The following SRSF11 variants were observed in gnomAD, a reference collection of about 807,000 sequenced individuals.
SRSF11 encodes the protein serine/arginine-rich splicing factor 11.
Under a neutral mutation model 56.0 loss-of-function variants are expected in SRSF11, and 9 were observed. The ratio of observed to expected loss-of-function variants is 0.16; its 90% CI spans 0.10 to 0.28. The LOEUF (loss-of-function observed/expected upper bound fraction) is 0.28, where lower values mean the gene tolerates loss of function less well. Ranked by LOEUF, SRSF11 falls within the 10% of genes least tolerant of loss-of-function variation. The pLI, the probability that SRSF11 is intolerant of heterozygous loss-of-function variation, is 1.00. For synonymous variants in SRSF11, 222 were observed against 215.3 expected, an observed-to-expected ratio of 1.03 and a Z score of -0.27; for missense variants, 421 against 600.7, an observed-to-expected ratio of 0.70 and a Z score of 3.13.
At chr1:70,212,810 C>T (rs1669681656) in intron 1 of SRSF11, among the ~76,000 whole-genome samples, 1 of 152,104 alleles carries the variant, frequency 6.6e-6, no homozygotes, top group East Asian at 1.9e-4. Flanking sequence ...TGGCTGATGC[C>T]TGTAATCCCA....
intron 2 of SRSF11, chr1:70,231,054 A>G (rs1672768358): frequency 1.6e-6 from 2 of 1,289,296 alleles, no homozygotes; most frequent in African/African-American, 1.5e-5. Context: ...CATTACCTTT[A>G]TTTAACAGTG....
intron 1 of SRSF11, among the ~76,000 whole-genome samples, chr1:70,210,419 A>G (rs929040205): frequency 1.1e-4 from 17 of 152,150 alleles, no homozygotes; most frequent in African/African-American, 3.9e-4. Context: ...AGCCTTCCAA[A>G]GTGCTGGGAT....
intron 9 of SRSF11, among the ~76,000 whole-genome samples, chr1:70,247,383 C>G (rs1402505080): frequency 1.3e-5 from 2 of 151,940 alleles, no homozygotes; most frequent in Non-Finnish European, 2.9e-5. Context: ...TGTTGCAGAC[C>G]TTACTGCACA....
intron 2 of SRSF11, chr1:70,230,780 T>G: frequency 8.5e-7 from 1 of 1,174,696 alleles, no homozygotes; most frequent in Non-Finnish European, 1.1e-6. Context: ...CCAGAAATGT[T>G]GCAAATGCAC....
chr1:70,206,863 T>TA (rs1669082754), intron 1 of SRSF11, among the ~76,000 whole-genome samples: 1 of 149,436 alleles, frequency 6.7e-6, no homozygotes, highest in Non-Finnish European at 1.5e-5. Flanking sequence ...GTTACCCTAC[T>TA]AAAAAAGCAA....
Position 70,234,799 on chromosome 1 carries a change from GTAACTTCAAATTTT to G in SRSF11, c.540+13_540+26del, listed in dbSNP as rs1673588431. The G allele has an allele frequency of 2.5e-6, 4 of 1,574,816 alleles. No individual in the cohort carries two copies. In the African/African-American group the frequency reaches 4.1e-5, roughly 16 times the overall value. On this transcript the variant is annotated intron_variant, in intron 4 of 11. Transcript: ENST00000370949. The stretch of plus-strand genomic sequence containing the variant: ...AACTTGAACTCTCAGGTATACCTTA[GTAACTTCAAATTTT>G]TCACCCATTTTTACAGAAGATCTGT...
intron 1 of SRSF11, among the ~76,000 whole-genome samples, chr1:70,224,806 A>G (rs1480599434): frequency 2.0e-5 from 3 of 152,184 alleles, no homozygotes; most frequent in Non-Finnish European, 4.4e-5. Context: ...AACCCCACAT[A>G]TACTCTTTGT....
At position 70,251,351 on chromosome 1, in the gene SRSF11, C is replaced by G. The variant is rs1393892577; in HGVS notation, c.*546C>G. 1 of 152,822 alleles carries G rather than the reference C, an allele frequency of 6.5e-6. No individual in the cohort carries two copies. Among genetic ancestry groups the G allele is most frequent in the African/African-American group, 2.4e-5 (1 of 41,420 alleles). 9.5% of individuals were successfully genotyped at this position (152,822 alleles called of 1,614,324 possible). On this transcript the variant is annotated 3_prime_UTR_variant, in exon 12 of 12. Coordinates refer to ENST00000370949, the MANE Select transcript of SRSF11 (RefSeq NM_001350605.2). Reference sequence around the variant, plus strand: ...CATTTGAAATAGATAATCCTTTAAGCCTTGTGGCAAAATTTTTGTGGCTTT... The same window carrying G: ...CATTTGAAATAGATAATCCTTTAAGGCTTGTGGCAAAATTTTTGTGGCTTT...
intron 2 of SRSF11, chr1:70,229,816 T>C: frequency 1.0e-6 from 1 of 983,788 alleles, no homozygotes; most frequent in Non-Finnish European, 1.2e-6. Context: ...ATAAATGGGT[T>C]AAGACATGTT....
rs1213131065 is a variant in SRSF11 at position 70,252,734 on chromosome 1, A to C, written c.*1929A>C. The C allele has an allele frequency of 6.6e-6, 1 of 152,222 alleles. No homozygotes were observed. Among genetic ancestry groups the C allele is most frequent in the Non-Finnish European group, 1.5e-5 (1 of 68,034 alleles). 9.4% of individuals were successfully genotyped at this position (152,222 alleles called of 1,614,324 possible). A position where few individuals can be genotyped will look rare whatever the true frequency, so the allele number is the denominator to read the frequency against. On this transcript the variant is annotated 3_prime_UTR_variant, in exon 12 of 12. Coordinates refer to ENST00000370949, the MANE Select transcript of SRSF11 (RefSeq NM_001350605.2). ...TGACATGGGCATTTTTGTAAGTCAA[A>C]AACAAATTTCACATATGGTAAACCT...
chr1:70,224,869 C>G (rs1372557554), intron 1 of SRSF11, among the ~76,000 whole-genome samples: 2 of 152,314 alleles, frequency 1.3e-5, no homozygotes, highest in Non-Finnish European at 2.9e-5. Flanking sequence ...GGAAATGCAG[C>G]ATTGTTTGAA....
At chr1:70,216,910 C>T (rs565085185), upstream of SRSF11, among the ~76,000 whole-genome samples, 1 of 152,210 alleles carries the variant, frequency 6.6e-6, no homozygotes, top group African/African-American at 2.4e-5. Context: ...AATGCATTCA[C>T]TTCACAAAGA....
At chr1:70,228,923 A>G (rs926607681) in intron 2 of SRSF11, 8 of 984,562 alleles carry the variant, frequency 8.1e-6, no homozygotes, top group Non-Finnish European at 9.6e-6. Context: ...AAATAAATGC[A>G]TGATGTTATT....
intron 10 of SRSF11, 62 bp from the exon 11 acceptor site, chr1:70,250,303 T>A: frequency 6.3e-7 from 1 of 1,585,900 alleles, no homozygotes; most frequent in Non-Finnish European, 8.5e-7. Context: ...CCTGTGAAAT[T>A]GAGTCAGGCT....
At chr1:70,224,286 C>T (rs996369426) in intron 1 of SRSF11, among the ~76,000 whole-genome samples, 34 of 152,160 alleles carry the variant, frequency 2.2e-4, no homozygotes, top group Admixed American at 2.0e-3. Flanking sequence ...CAGTGACATG[C>T]ACCTGTAACT....
intron 9 of SRSF11, chr1:70,249,120 AAAGT>A (rs765652815): frequency 6.6e-6 from 1 of 152,120 alleles, no homozygotes; most frequent in Admixed American, 6.5e-5. Flanking sequence ...GTATATCTTC[AAAGT>A]AATTGGTGAA....
intron 1 of SRSF11, among the ~76,000 whole-genome samples, chr1:70,211,339 C>T (rs570172239): frequency 6.0e-4 from 91 of 152,182 alleles, no homozygotes; most frequent in African/African-American, 2.2e-3. Flanking sequence ...CCCTCCCACC[C>T]ACAATTTTGT....
intron 8 of SRSF11, chr1:70,246,585 T>G (rs1676819070): frequency 3.1e-6 from 1 of 321,310 alleles, no homozygotes. Flanking sequence ...TTCTCACCCA[T>G]AGTCTACTTT....
Position 70,250,048 on chromosome 1 carries a change from G to A in SRSF11, c.1118+1G>A. The A allele has an allele frequency of 6.2e-7, 1 of 1,605,024 alleles. No individual in the cohort carries two copies. Among genetic ancestry groups the A allele is most frequent in the Non-Finnish European group, 8.5e-7 (1 of 1,173,074 alleles). ...TGTCCCGCTCACCATCCCCTAGGAGGTAAGAATGTTAATCATTTAAATGTA... is the reference window on the plus strand; with the variant it reads ...TGTCCCGCTCACCATCCCCTAGGAGATAAGAATGTTAATCATTTAAATGTA... On this transcript the variant is annotated splice_donor_variant, in intron 10 of 11. Coordinates refer to ENST00000370949, the MANE Select transcript of SRSF11 (RefSeq NM_001350605.2). LOFTEE classifies it high-confidence loss of function.
Sources: allele counts gnomAD v4.1 joint callset (sites outside exome capture counted in the v4.1 genomes callset), GRCh38; gene constraint gnomAD v4.1.1; transcripts MANE v1.5; gene names NCBI Gene and HGNC (gene_info 2026-07-23, HGNC 2026-07-21).